The following RAB5A variants were observed in gnomAD, a reference collection of about 807,000 sequenced individuals.
RAB5A encodes ras-related protein Rab-5A.
A neutral mutation model predicts 25.7 loss-of-function variants in RAB5A; 8 were observed. That is an observed-to-expected ratio of 0.31 (90% CI 0.18 to 0.56). The LOEUF is 0.56. Ranked by LOEUF, RAB5A falls within the 20% of genes least tolerant of loss-of-function variation. The pLI is 0.91. For missense variants in RAB5A, 192 were observed against 259.7 expected (o/e 0.74, Z 1.79); for synonymous variants, 98 against 89.8 (o/e 1.09, Z -0.52).
chr3:19,974,722 G>GAAAAAAAAAAAAAA (rs151258629), intron 2 of RAB5A, among the ~76,000 whole-genome samples: 2 of 141,956 alleles, frequency 1.4e-5, no homozygotes, highest in African/African-American at 5.2e-5. Flanking sequence ...CTGTGTCTCA[G>GAAAAAAAAAAAAAA]AAAAAGAAAA....
At chr3:19,973,134 T>A (rs148169874) in intron 2 of RAB5A, among the ~76,000 whole-genome samples, 2 of 152,196 alleles carry the variant, frequency 1.3e-5, no homozygotes, top group Admixed American at 6.5e-5. Flanking sequence ...ACACATACTT[T>A]GCAATTTTAT....
intron 2 of RAB5A, among the ~76,000 whole-genome samples, chr3:19,974,722 G>GAAAAAAAAAA (rs151258629): frequency 0.7 from 97,921 of 139,924 alleles, 34,879 homozygotes; most frequent in Non-Finnish European, 0.75. Context: ...CTGTGTCTCA[G>GAAAAAAAAAA]AAAAAGAAAA....
intron 5 of RAB5A, among the ~76,000 whole-genome samples, chr3:19,979,654 C>A (rs1022460211): frequency 6.6e-6 from 1 of 152,032 alleles, no homozygotes; most frequent in African/African-American, 2.4e-5. Flanking sequence ...AGTAATAAGC[C>A]TCCTTTTTTC....
chr3:19,963,099 A>G (rs1363197529), intron 2 of RAB5A, among the ~76,000 whole-genome samples: 1 of 152,114 alleles, frequency 6.6e-6, no homozygotes, highest in Non-Finnish European at 1.5e-5. Flanking sequence ...ATGAGCCACC[A>G]TGCCCAGCCT....
intron 3 of RAB5A, 112 bp downstream of exon 3, chr3:19,975,864 C>T: frequency 7.4e-7 from 1 of 1,342,680 alleles, no homozygotes; most frequent in Non-Finnish European, 1.0e-6. Context: ...GACCTTTCTG[C>T]TGAAGCTTTT....
chr3:19,947,394 G>A lies in RAB5A; in HGVS notation c.-221G>A, dbSNP rs1329958365. On this transcript the variant is annotated 5_prime_UTR_variant, in exon 1 of 6. Transcript: ENST00000273047. ...CGCACAGTCCAGTGTGAGGGGAGCG[G>A]CGCTAAGAGCAGGCGACGCCGCCGC... 1.3e-5 allele frequency: 2 copies of A among 157,240 alleles called. No homozygotes were observed. The highest frequency in any genetic ancestry group is 2.8e-5 in the Non-Finnish European group (2 of 71,770). The allele number at this position is 157,240 out of a possible 1,614,324, so 9.7% of individuals were successfully genotyped here.
In RAB5A at chr3:19,956,398, G is replaced by A. The variant is rs185622085; in HGVS notation, c.163+5337G>A. 4.1e-3 allele frequency among the ~76,000 whole-genome samples: 626 copies of A among 152,298 alleles called. 2 individuals are homozygous for A. The highest frequency in any genetic ancestry group is 6.8e-3 in the Middle Eastern group (2 of 294). On this transcript the variant is annotated intron_variant, in intron 2 of 5. Transcript: ENST00000273047. ...GAACCCAGGAAGCGGAGGTTGCAGTGAGCCGAGATCGCGCCATTGCACTCC... is the reference window on the plus strand; with the variant it reads ...GAACCCAGGAAGCGGAGGTTGCAGTAAGCCGAGATCGCGCCATTGCACTCC...
Position 19,983,748 on chromosome 3 carries a change from A to G in RAB5A, c.573A>G (p.Ala191=). 6.2e-7 allele frequency: 1 copy of G among 1,612,600 alleles called. No individual in the cohort carries two copies. The highest frequency in any genetic ancestry group is 8.5e-7 in the Non-Finnish European group (1 of 1,179,048). The change falls in exon 6 of 6, where the codon GCA becomes GCG. Residue 191 remains alanine, a synonymous_variant. Transcript: ENST00000273047. ...LPKNEPQNPG[A]NSARGRGVDL... ...AGAATGAACCACAAAATCCAGGAGC[A>G]AATTCTGCCAGAGGAAGAGGAGTAG... is the stretch of plus-strand genomic sequence containing the variant.
intron 2 of RAB5A, among the ~76,000 whole-genome samples, chr3:19,955,454 A>C (rs994382886): frequency 2.0e-5 from 3 of 152,218 alleles, no homozygotes; most frequent in African/African-American, 4.8e-5. Context: ...GGTGGGACCA[A>C]CAATCTAGGT....
chr3:19,969,031 G>GTTTTTTTTTTTTGTTTTTTTTTT (rs1696702575), intron 2 of RAB5A, among the ~76,000 whole-genome samples: 1 of 99,700 alleles, frequency 1.0e-5, no homozygotes, highest in Non-Finnish European at 1.9e-5. Context: ...TTTGGTTTTG[G>GTTTTTTTTTTTTGTTTTTTTTTT]TTTTTTTTTT....
At position 19,947,504 on chromosome 3, in the gene RAB5A, G is replaced by C. The variant is rs115902578; in HGVS notation, c.-111G>C. The C allele has an allele frequency of 0.022, 3,329 of 152,760 alleles. 119 individuals carry two copies. Among genetic ancestry groups the C allele is most frequent in the African/African-American group, 0.076 (3,135 of 41,516 alleles). The allele number at this position is 152,760 out of a possible 1,614,324, so 9.5% of individuals were successfully genotyped here. ...CCAGGAAGCTTCGGCCCCGCAGCTC[G>C]GCTTGCTGCGGTCTCAGGTAACCGA... is the stretch of plus-strand genomic sequence containing the variant. On this transcript the variant is annotated 5_prime_UTR_variant, in exon 1 of 6. Coordinates refer to ENST00000273047, the MANE Select transcript of RAB5A (RefSeq NM_004162.5).
intron 5 of RAB5A, among the ~76,000 whole-genome samples, chr3:19,981,806 G>GT (rs1258445345): frequency 6.6e-6 from 1 of 152,058 alleles, no homozygotes; most frequent in Non-Finnish European, 1.5e-5. Context: ...CTGGTTGAGA[G>GT]TGTTGTCTGA....
At chr3:19,950,699 G>T (rs767256043) in intron 1 of RAB5A, 107 bp from the exon 2 acceptor site, 50 of 473,306 alleles carry the variant, frequency 1.1e-4, no homozygotes, top group Non-Finnish European at 1.4e-4. Context: ...GGGCATTGAA[G>T]GTCTAGTAGA....
chr3:19,969,101 A>G (rs1696707921), intron 2 of RAB5A, among the ~76,000 whole-genome samples: 1 of 142,674 alleles, frequency 7.0e-6, no homozygotes, highest in South Asian at 2.2e-4. Context: ...CTGGGGTGCA[A>G]AGGCACGATC....
intron 1 of RAB5A, among the ~76,000 whole-genome samples, 195 bp from the exon 2 acceptor site, chr3:19,950,611 C>T (rs987860322): frequency 1.3e-5 from 2 of 151,578 alleles, no homozygotes; most frequent in Non-Finnish European, 2.9e-5. Context: ...TTGAGGTTAG[C>T]CTTTAAAAAA....
At chr3:19,948,303 C>T (rs1016984169) in intron 1 of RAB5A, among the ~76,000 whole-genome samples, 1 of 152,106 alleles carries the variant, frequency 6.6e-6, no homozygotes, top group African/African-American at 2.4e-5. Context: ...CAATCAGTTG[C>T]CTTTCACATA....
intron 2 of RAB5A, among the ~76,000 whole-genome samples, chr3:19,953,995 C>G (rs1336005328): frequency 6.6e-6 from 1 of 151,968 alleles, no homozygotes; most frequent in Non-Finnish European, 1.5e-5. Context: ...TGAAGCCAAC[C>G]AACTCTTTTG....
chr3:19,984,453 C>T lies in RAB5A; in HGVS notation c.*630C>T. On this transcript the variant is annotated 3_prime_UTR_variant, in exon 6 of 6. Transcript: ENST00000273047. The stretch of plus-strand genomic sequence containing the variant: ...AATGGGGTAAAAATCAAATGCAACC[C>T]CATCTTGTTTTAGGAATTTTGAGAA... The T allele has an allele frequency of 4.4e-6, 1 of 225,744 alleles. No homozygotes were observed. Among genetic ancestry groups the T allele is most frequent in the South Asian group, 5.1e-5 (1 of 19,422 alleles). The allele number at this position is 225,744 out of a possible 1,614,324, so 14.0% of individuals were successfully genotyped here.
intron 2 of RAB5A, among the ~76,000 whole-genome samples, chr3:19,964,026 G>A (rs570782819): frequency 6.6e-6 from 1 of 152,158 alleles, no homozygotes; most frequent in Admixed American, 6.6e-5. Flanking sequence ...ATGTTTTAAA[G>A]GTCTGGAAGA....
Sources: gnomAD v4.1 joint callset for allele counts (sites outside exome capture counted in the v4.1 genomes callset) on GRCh38, gnomAD v4.1.1 for gene constraint, MANE v1.5 for transcripts, NCBI Gene and HGNC (gene_info 2026-07-23, HGNC 2026-07-21) for gene names.